The following TUBGCP3 variants were observed in gnomAD, a reference collection of about 807,000 sequenced individuals.
TUBGCP3 encodes tubulin gamma complex component 3, also known as gamma-tubulin complex component 3.
In TUBGCP3, 50 loss-of-function variants were observed where a neutral mutation model predicts 123.1. The ratio of observed to expected loss-of-function variants is 0.41; its 90% CI spans 0.32 to 0.51. TUBGCP3 has a LOEUF of 0.51. TUBGCP3 is among the 20% of genes least tolerant of loss of function. The probability of loss-of-function intolerance (pLI) is 0.36; values close to 1 mark genes in which losing one functional copy is unlikely to be tolerated. For missense variants in TUBGCP3, 882 were observed against 1,127.0 expected, an observed-to-expected ratio of 0.78 and a Z score of 3.11; for synonymous variants, 405 against 413.9, an observed-to-expected ratio of 0.98 and a Z score of 0.26.
intron 11 of TUBGCP3, among the ~76,000 whole-genome samples, chr13:112,544,256 A>T (rs376298091): frequency 1.3e-5 from 2 of 152,060 alleles, no homozygotes; most frequent in Non-Finnish European, 2.9e-5. Flanking sequence ...GATCGAGACC[A>T]TCCTGGCTAA....
chr13:112,586,022 GAGGTCAGGAGATCGA>G (rs1882583596), intron 1 of TUBGCP3, among the ~76,000 whole-genome samples: 1 of 151,832 alleles, frequency 6.6e-6, no homozygotes, highest in Non-Finnish European at 1.5e-5. Context: ...GGTGCATCAC[GAGGTCAGGAGATCGA>G]AACCATCCTG....
chr13:112,562,944 G>A (rs372073101), intron 3 of TUBGCP3, among the ~76,000 whole-genome samples: 1 of 152,118 alleles, frequency 6.6e-6, no homozygotes, highest in East Asian at 1.9e-4. Context: ...CATCAACAGG[G>A]CACCACCTAC....
rs143396740 is a variant in TUBGCP3, at chr13:112,575,649, C to T, written c.77-6390G>A. ...CCACCCCACAACAAAACAACACACG[C>T]TCTTTTCAAATGCACGTGGAACATT... On this transcript the variant is annotated intron_variant, in intron 1 of 21. Transcript: ENST00000261965. Among the ~76,000 whole-genome samples, 284 of 152,358 alleles carry T rather than the reference C, an allele frequency of 1.9e-3. 1 individual carries two copies. Among genetic ancestry groups the T allele is most frequent in the Non-Finnish European group, 1.6e-3 (109 of 68,036 alleles).
intron 20 of TUBGCP3, among the ~76,000 whole-genome samples, chr13:112,495,361 A>C (rs9604332): frequency 0.027 from 4,165 of 152,280 alleles, 199 homozygotes; most frequent in African/African-American, 0.094. Context: ...TGGGACCATC[A>C]GTGCAGGAGC....
intron 8 of TUBGCP3, among the ~76,000 whole-genome samples, chr13:112,551,755 A>AAGGAGAAAGAAG (rs1879603680): frequency 6.6e-6 from 1 of 152,104 alleles, no homozygotes; most frequent in Non-Finnish European, 1.5e-5. Flanking sequence ...CTGCTATGAT[A>AAGGAGAAAGAAG]ATCGATAAGG....
At position 112,507,720 on chromosome 13, in the gene TUBGCP3, T is replaced by C. The variant is rs533380127; in HGVS notation, c.2087-3006A>G. Among the ~76,000 whole-genome samples, 7 of 152,320 alleles carry C rather than the reference T, an allele frequency of 4.6e-5. No individual in the cohort carries two copies. In the East Asian group the frequency reaches 7.7e-4, roughly 17 times the overall value. On this transcript the variant is annotated intron_variant, in intron 17 of 21. Coordinates refer to ENST00000261965, the MANE Select transcript of TUBGCP3 (RefSeq NM_006322.6). Reference sequence around the variant, plus strand: ...TCAAGCCAGCAGCATCTGAGTAACATGCCGATTTTTCATGGCACGAATATG... The same window carrying C: ...TCAAGCCAGCAGCATCTGAGTAACACGCCGATTTTTCATGGCACGAATATG...
the TUBGCP3 span, among the ~76,000 whole-genome samples, chr13:112,597,864 A>C: frequency 6.6e-6 from 1 of 152,164 alleles, no homozygotes; most frequent in Non-Finnish European, 1.5e-5. Context: ...GAAGGAGGGG[A>C]GAGAGAAAAT....
At chr13:112,594,310 G>C in the TUBGCP3 span, among the ~76,000 whole-genome samples, 1 of 152,162 alleles carries the variant, frequency 6.6e-6, no homozygotes, top group Non-Finnish European at 1.5e-5. Flanking sequence ...GGAATGCAAG[G>C]TTGGGCTAAC....
rs141586083 is a variant in TUBGCP3, at chr13:112,562,798, T to C, written c.252+2313A>G. Reference sequence around the variant, plus strand: ...TTAAAACTGTGCACAAACTGAATTGTACGTGAAGAAAGTCTTATCGGGACA... The same window carrying C: ...TTAAAACTGTGCACAAACTGAATTGCACGTGAAGAAAGTCTTATCGGGACA... On this transcript the variant is annotated intron_variant, in intron 3 of 21. Coordinates refer to ENST00000261965, the MANE Select transcript of TUBGCP3 (RefSeq NM_006322.6). Among the ~76,000 whole-genome samples the C allele has an allele frequency of 6.6e-5, 10 of 152,340 alleles. No homozygotes were observed. The East Asian group carries it at 1.4e-3, about 21-fold the overall frequency.
intron 13 of TUBGCP3, 111 bp from the exon 14 acceptor site, chr13:112,522,620 C>A: frequency 9.9e-7 from 1 of 1,006,416 alleles, no homozygotes; most frequent in Admixed American, 2.3e-5. Context: ...CCTGTGGCAT[C>A]AGTAACAGAC....
At chr13:112,537,452 C>G (rs1026424086) in intron 11 of TUBGCP3, among the ~76,000 whole-genome samples, 1 of 152,042 alleles carries the variant, frequency 6.6e-6, no homozygotes, top group Non-Finnish European at 1.5e-5. Context: ...CATTGATTGA[C>G]TTTGATTATA....
Position 112,549,805 on chromosome 13 carries a change from T to C in TUBGCP3, c.967-1629A>G, listed in dbSNP as rs9577797. Among the ~76,000 whole-genome samples the C allele has an allele frequency of 5.3e-3, 801 of 151,610 alleles. 11 individuals carry two copies. The highest frequency in any genetic ancestry group is 0.042 in the East Asian group (214 of 5,120). ...GAGATCGAGACCATCCTGGCTAACA[T>C]GGTGAGACCCCTGTCTCTACTAAAA... is the stretch of plus-strand genomic sequence containing the variant. On this transcript the variant is annotated intron_variant, in intron 8 of 21. Transcript: ENST00000261965.
chr13:112,567,788 T>TA (rs1427499934), intron 2 of TUBGCP3, among the ~76,000 whole-genome samples: 1 of 152,172 alleles, frequency 6.6e-6, no homozygotes, highest in Non-Finnish European at 1.5e-5. Context: ...CACACAGGTC[T>TA]AAAGTGGGAC....
chr13:112,489,875 A>C, intron 20 of TUBGCP3, 178 bp from the exon 21 acceptor site: 1 of 587,028 alleles, frequency 1.7e-6, no homozygotes, highest in East Asian at 2.8e-5. Context: ...TACTTTTTCC[A>C]GTTAACAATG....
In TUBGCP3 at chr13:112,565,231, T is replaced by A. The variant is rs1456446550; in HGVS notation, c.185-53A>T. The stretch of plus-strand genomic sequence containing the variant: ...GGTAACTACAAACACCAAAATTCAT[T>A]CTTATGATACTATTTCACCTACAAC... On this transcript the variant is annotated intron_variant, in intron 2 of 21. Transcript: ENST00000261965. 6.7e-6 allele frequency: 10 copies of A among 1,481,948 alleles called. No homozygotes were observed. In the African/African-American group the frequency reaches 8.3e-5, roughly 12 times the overall value. 91.8% of individuals were successfully genotyped at this position (1,481,948 alleles called of 1,614,324 possible).
At chr13:112,534,733 C>T (rs866687455) in intron 11 of TUBGCP3, among the ~76,000 whole-genome samples, 11 of 152,128 alleles carry the variant, frequency 7.2e-5, no homozygotes, top group Admixed American at 3.3e-4. Context: ...TAGCCGGCAT[C>T]CCTCACCAAG....
chr13:112,571,997 T>A (rs1881433042), intron 1 of TUBGCP3, among the ~76,000 whole-genome samples: 1 of 152,248 alleles, frequency 6.6e-6, no homozygotes, highest in African/African-American at 2.4e-5. Flanking sequence ...TGGTTTGATC[T>A]TCTATCCAGA....
intron 17 of TUBGCP3, among the ~76,000 whole-genome samples, chr13:112,506,911 CA>C (rs1410706092): frequency 2.6e-5 from 4 of 152,170 alleles, no homozygotes; most frequent in African/African-American, 9.7e-5. Flanking sequence ...ACGCAGAGCT[CA>C]AATGAGAGGA....
intron 21 of TUBGCP3, among the ~76,000 whole-genome samples, chr13:112,486,545 T>C (rs1222356376): frequency 2.0e-5 from 3 of 152,238 alleles, no homozygotes; most frequent in Non-Finnish European, 2.9e-5. Flanking sequence ...ATATGACTCA[T>C]GAAAGAGGAT....
Sources: gnomAD v4.1 joint callset for allele counts (sites outside exome capture counted in the v4.1 genomes callset) on GRCh38, gnomAD v4.1.1 for gene constraint, MANE v1.5 for transcripts, NCBI Gene and HGNC (gene_info 2026-07-23, HGNC 2026-07-21) for gene names.